SAV1: variants seen among roughly 807,000 people sequenced by gnomAD.
SAV1 encodes salvador family WW domain containing protein 1.
SAV1 carries 23 observed loss-of-function variants against 47.3 expected under a neutral mutation model. The observed-to-expected ratio is 0.49, with a 90% CI of 0.35 to 0.69. The LOEUF is 0.69. Ranked by LOEUF, SAV1 falls within the 30% of genes least tolerant of loss-of-function variation. The pLI is 0.01. For missense variants in SAV1, 448 were observed against 457.4 expected (o/e 0.98, Z 0.19); for synonymous variants, 155 against 159.2 (o/e 0.97, Z 0.20).
At position 50,640,766 on chromosome 14, in the gene SAV1, C is replaced by T. The variant is rs140126177; in HGVS notation, c.934G>A (p.Ala312Thr). ...TGTACTTACTTCACAGGGGCTCGTGCGTAAACCTGAAGCCAGTCAGGAATT... is the reference window on the plus strand; with the variant it reads ...TGTACTTACTTCACAGGGGCTCGTGTGTAAACCTGAAGCCAGTCAGGAATT... ...AEIPDWLQVY[A>T]RAPVKYDHIL... The change falls in exon 4 of 5, where the codon GCA (alanine) becomes ACA (threonine). Residue 312 changes from alanine to threonine, a missense_variant. Physicochemically the swap from Ala to Thr is moderately conservative, Grantham distance 58. Coordinates refer to ENST00000324679, the MANE Select transcript of SAV1 (RefSeq NM_021818.4). The T allele has an allele frequency of 1.0e-4, 168 of 1,612,666 alleles. No homozygotes were observed. Among genetic ancestry groups the T allele is most frequent in the Non-Finnish European group, 1.2e-4 (140 of 1,179,346 alleles).
At chr14:50,643,349 T>G (rs2039695443) in intron 3 of SAV1, among the ~76,000 whole-genome samples, 1 of 152,150 alleles carries the variant, frequency 6.6e-6, no homozygotes, top group Admixed American at 6.5e-5. Context: ...TTGGGAGGCC[T>G]CAGGAAACTT....
chr14:50,668,155 G>C lies in SAV1; in HGVS notation c.-188C>G, dbSNP rs558655282. 2 of 313,202 alleles carry C rather than the reference G, an allele frequency of 6.4e-6. No homozygotes were observed. Among genetic ancestry groups the C allele is most frequent in the Non-Finnish European group, 1.1e-5 (2 of 174,798 alleles). 19.4% of individuals were successfully genotyped at this position (313,202 alleles called of 1,614,324 possible). ...CTGCCGCATGTTCAGGGCGCTAAGCGCGCCGGCCGCCGCTCAGTCGCTGGT... is the reference window on the plus strand; with the variant it reads ...CTGCCGCATGTTCAGGGCGCTAAGCCCGCCGGCCGCCGCTCAGTCGCTGGT... On this transcript the variant is annotated 5_prime_UTR_variant, in exon 1 of 5. Transcript: ENST00000324679.
chr14:50,661,022 A>G (rs1327694616), intron 2 of SAV1, among the ~76,000 whole-genome samples: 2 of 152,346 alleles, frequency 1.3e-5, no homozygotes, highest in East Asian at 3.9e-4. Flanking sequence ...CGGTTTTCTG[A>G]GAAATTTCCA....
At chr14:50,650,277 G>C (rs2039756514) in intron 2 of SAV1, among the ~76,000 whole-genome samples, 1 of 152,178 alleles carries the variant, frequency 6.6e-6, no homozygotes, top group Non-Finnish European at 1.5e-5. Context: ...TCCAATAATA[G>C]CAAACTGGAT....
Position 50,645,007 on chromosome 14 carries a change from C to G in SAV1, c.543G>C (p.Gly181=), listed in dbSNP as rs773211544. The change falls in exon 3 of 5, where the codon GGG becomes GGC. Residue 181 remains glycine (G), a synonymous_variant. Coordinates refer to ENST00000324679, the MANE Select transcript of SAV1 (RefSeq NM_021818.4). ...TTCCTAAAGATGTAGCAGCAACTCT[C>G]CCAATACCTACGGGGAAAGAGAAAA... ...QNQGRHASGI[G]RVAATSLGNL... 1.7e-5 allele frequency: 28 copies of G among 1,608,142 alleles called. No individual in the cohort carries two copies. Among genetic ancestry groups the G allele is most frequent in the Middle Eastern group, 3.3e-4 (2 of 6,070 alleles).
Position 50,644,785 on chromosome 14 carries a change from G to A in SAV1, c.765C>T (p.His255=), listed in dbSNP as rs1173259420. 1.9e-6 allele frequency: 3 copies of A among 1,614,078 alleles called. No homozygotes were observed. Among genetic ancestry groups the A allele is most frequent in the South Asian group, 2.2e-5 (2 of 91,084 alleles). The part of the protein sequence containing the change: ...SSEFGTYYVD[H]TNKKAQYRHP... ...GCCTGTATTGGGCCTTCTTATTTGT[G>A]TGATCTACATAATAGGTTCCAAATT... The change falls in exon 3 of 5, where the codon CAC becomes CAT. Residue 255 remains histidine (H), a synonymous_variant. Transcript: ENST00000324679.
chr14:50,652,028 CGAT>C (rs2039773862), intron 2 of SAV1, among the ~76,000 whole-genome samples: 2 of 151,884 alleles, frequency 1.3e-5, no homozygotes, highest in Non-Finnish European at 2.9e-5. Context: ...ATCATATTGT[CGAT>C]GATACTATTT....
At chr14:50,648,426 T>C (rs2039739923) in intron 2 of SAV1, among the ~76,000 whole-genome samples, 1 of 152,202 alleles carries the variant, frequency 6.6e-6, no homozygotes, top group Non-Finnish European at 1.5e-5. Flanking sequence ...TGAAAAAAGT[T>C]AAATTTACTA....
At chr14:50,659,441 A>T in intron 2 of SAV1, among the ~76,000 whole-genome samples, 1 of 152,306 alleles carries the variant, frequency 6.6e-6, no homozygotes, top group East Asian at 1.9e-4. Context: ...TTCCACCTCC[A>T]TGTATGACTG....
intron 2 of SAV1, among the ~76,000 whole-genome samples, chr14:50,654,524 T>G (rs2039796214): frequency 6.6e-6 from 1 of 152,220 alleles, no homozygotes; most frequent in East Asian, 1.9e-4. Flanking sequence ...ACATGAGCAA[T>G]CACTGATCAC....
At position 50,667,991 on chromosome 14, in the gene SAV1, G is replaced by A. The variant is rs778379186; in HGVS notation, c.-24C>T. On this transcript the variant is annotated 5_prime_UTR_variant, in exon 1 of 5. Coordinates refer to ENST00000324679, the MANE Select transcript of SAV1 (RefSeq NM_021818.4). ...ATCCTTCTCGACGAGGCCCGAGGCC[G>A]CGCTGAACTGCCTCCCTAGGGCTCC... 4 of 1,591,434 alleles carry A rather than the reference G, an allele frequency of 2.5e-6. No individual in the cohort carries two copies. The Admixed American group carries it at 5.1e-5, about 20-fold the overall frequency.
chr14:50,648,777 C>CA (rs11421864), intron 2 of SAV1, among the ~76,000 whole-genome samples: 2,707 of 139,254 alleles, frequency 0.019, 67 homozygotes, highest in African/African-American at 0.058. Flanking sequence ...GACTCCGTCT[C>CA]AAAAAAAAAA....
rs529812233 is a variant in SAV1, at chr14:50,642,531, A to G, written c.807-1638T>C. 2.6e-5 allele frequency among the ~76,000 whole-genome samples: 4 copies of G among 151,948 alleles called. No individual in the cohort carries two copies. In the East Asian group the frequency reaches 7.7e-4, roughly 29 times the overall value. On this transcript the variant is annotated intron_variant, in intron 3 of 4. Coordinates refer to ENST00000324679, the MANE Select transcript of SAV1 (RefSeq NM_021818.4). The stretch of plus-strand genomic sequence containing the variant: ...AGAAAAGAAAAACTACCTATCAGAC[A>G]CTATGCTTATTACCCGGGTGATAAT...
At chr14:50,637,415 A>G (rs1166689609) in intron 4 of SAV1, among the ~76,000 whole-genome samples, 1 of 152,208 alleles carries the variant, frequency 6.6e-6, no homozygotes, top group East Asian at 1.9e-4. Flanking sequence ...CTAACAAAAA[A>G]TCTTAATCTC....
At chr14:50,639,971 T>C (rs1393890599) in intron 4 of SAV1, among the ~76,000 whole-genome samples, 1 of 152,118 alleles carries the variant, frequency 6.6e-6, no homozygotes, top group East Asian at 1.9e-4. Context: ...TCTGCTATCA[T>C]TCCTTTTTCT....
chr14:50,647,824 T>A (rs1258774321), intron 2 of SAV1, among the ~76,000 whole-genome samples: 1 of 152,204 alleles, frequency 6.6e-6, no homozygotes, highest in African/African-American at 2.4e-5. Context: ...ACAATTGGAA[T>A]GCCCATACAC....
chr14:50,641,918 T>C (rs80164021), intron 3 of SAV1, among the ~76,000 whole-genome samples: 6,126 of 152,230 alleles, frequency 0.04, 192 homozygotes, highest in South Asian at 0.064. Context: ...CACATGTTAA[T>C]TGCAGCACTA....
intron 3 of SAV1, among the ~76,000 whole-genome samples, chr14:50,643,699 A>C (rs796204136): frequency 2.6e-5 from 4 of 152,332 alleles, no homozygotes; most frequent in African/African-American, 9.6e-5. Flanking sequence ...AAAGGACAAC[A>C]ACCTCAGTAG....
Position 50,635,115 on chromosome 14 carries a change from G to C in SAV1, c.*68C>G. ...GCAGCATTTATTAACCAGAGTACTT[G>C]TTTGCAATTTTTTATCTGTGAAAAT... is the stretch of plus-strand genomic sequence containing the variant. On this transcript the variant is annotated 3_prime_UTR_variant, in exon 5 of 5. Coordinates refer to ENST00000324679, the MANE Select transcript of SAV1 (RefSeq NM_021818.4). The C allele has an allele frequency of 8.5e-7, 1 of 1,169,688 alleles. No individual in the cohort carries two copies. Among genetic ancestry groups the C allele is most frequent in the South Asian group, 1.3e-5 (1 of 77,282 alleles). The allele number at this position is 1,169,688 out of a possible 1,614,324, so 72.5% of individuals were successfully genotyped here.
Sources: allele counts gnomAD v4.1 joint callset (sites outside exome capture counted in the v4.1 genomes callset), GRCh38; gene constraint gnomAD v4.1.1; transcripts MANE v1.5; gene names NCBI Gene and HGNC (gene_info 2026-07-23, HGNC 2026-07-21).